The following SASH1 variants were observed in gnomAD, a reference collection of about 807,000 sequenced individuals.
SASH1 encodes SAM and SH3 domain containing 1.
SASH1 carries 44 observed loss-of-function variants against 125.2 expected under a neutral mutation model. That is an observed-to-expected ratio of 0.35 (90% CI 0.28 to 0.45). The LOEUF (loss-of-function observed/expected upper bound fraction) is 0.45, where lower values mean the gene tolerates loss of function less well. SASH1 is among the 20% of genes least tolerant of loss of function. The pLI, the probability that SASH1 is intolerant of heterozygous loss-of-function variation, is 1.00. For missense variants in SASH1, 1,426 were observed against 1,614.5 expected, an observed-to-expected ratio of 0.88 and a Z score of 2.00; for synonymous variants, 639 against 649.1, an observed-to-expected ratio of 0.98 and a Z score of 0.24.
intron 1 of SASH1, among the ~76,000 whole-genome samples, chr6:148,310,528 C>T (rs1780299461): frequency 6.7e-6 from 1 of 150,304 alleles, no homozygotes; most frequent in Non-Finnish European, 1.5e-5. Flanking sequence ...TAAAAGAAAA[C>T]ATGGATAAAT....
chr6:148,353,734 C>A lies in SASH1; in HGVS notation c.156+10511C>A, dbSNP rs368790206. On this transcript the variant is annotated intron_variant, in intron 1 of 19. Coordinates refer to ENST00000367467, the MANE Select transcript of SASH1 (RefSeq NM_015278.5). ...ACAGGCGTGAGCCACCATACCTGAC[C>A]AATTGATCTTAACTATTGATTTGAT... Among the ~76,000 whole-genome samples the A allele has an allele frequency of 5.3e-5, 8 of 152,274 alleles. No individual in the cohort carries two copies. The East Asian group carries it at 1.4e-3, about 26-fold the overall frequency.
chr6:148,517,017 C>CTT (rs1780480061), intron 9 of SASH1, among the ~76,000 whole-genome samples: 1 of 152,218 alleles, frequency 6.6e-6, no homozygotes, highest in South Asian at 2.1e-4. Context: ...ATTTCTGTGT[C>CTT]TTTGCCACAG....
the SASH1 span, among the ~76,000 whole-genome samples, chr6:148,265,706 C>G: frequency 2.6e-5 from 4 of 152,210 alleles, no homozygotes; most frequent in Non-Finnish European, 4.4e-5. Flanking sequence ...CAAGACCCCA[C>G]AGCTAAAAAA....
At chr6:148,466,460 C>G (rs12527475) in intron 4 of SASH1, among the ~76,000 whole-genome samples, 65,155 of 152,042 alleles carry the variant, frequency 0.43, 14,701 homozygotes, top group African/African-American at 0.54. Context: ...GGCTGCTCTG[C>G]GTGAAAAAGC....
At chr6:148,472,445 TAAA>T (rs35761383) in intron 6 of SASH1, among the ~76,000 whole-genome samples, 1 of 144,142 alleles carries the variant, frequency 6.9e-6, no homozygotes, top group Non-Finnish European at 1.5e-5. Context: ...CCTTGGATTC[TAAA>T]AAAAAAAAAA....
chr6:148,441,337 G>A (rs959835566), intron 4 of SASH1, among the ~76,000 whole-genome samples: 7 of 152,202 alleles, frequency 4.6e-5, no homozygotes, highest in East Asian at 1.9e-4. Context: ...TGGGAGGAGG[G>A]CTGCTTTGCC....
At chr6:148,414,957 A>T (rs889619830) in intron 2 of SASH1, among the ~76,000 whole-genome samples, 1 of 152,198 alleles carries the variant, frequency 6.6e-6, no homozygotes, top group Non-Finnish European at 1.5e-5. Context: ...TGGAGCTTAC[A>T]TTCTACTGAG....
At chr6:148,542,232 T>C (rs1474734712) in intron 17 of SASH1, among the ~76,000 whole-genome samples, 21 of 152,314 alleles carry the variant, frequency 1.4e-4, no homozygotes. Context: ...ATGGAACTTA[T>C]ATATATAGTT....
the SASH1 span, among the ~76,000 whole-genome samples, chr6:148,244,959 T>A: frequency 0.057 from 6,739 of 119,112 alleles, 608 homozygotes; most frequent in African/African-American, 0.19. Context: ...TGTGTGTGTG[T>A]GAGAGAGAGA....
chr6:148,550,412 A>G lies in SASH1; in HGVS notation c.*1854A>G, dbSNP rs1465295061. On this transcript the variant is annotated 3_prime_UTR_variant, in exon 20 of 20. Coordinates refer to ENST00000367467, the MANE Select transcript of SASH1 (RefSeq NM_015278.5). The stretch of plus-strand genomic sequence containing the variant: ...ATAAATTAATTAGAAAGCCATCTTT[A>G]GCATATTGCTTATGTCTGGATCCAT... The G allele has an allele frequency of 6.6e-6, 1 of 152,260 alleles. No individual in the cohort carries two copies. The highest frequency in any genetic ancestry group is 6.5e-5 in the Admixed American group (1 of 15,288). 9.4% of individuals were successfully genotyped at this position (152,260 alleles called of 1,614,324 possible). A position where few individuals can be genotyped will look rare whatever the true frequency, so the allele number is the denominator to read the frequency against.
At chr6:148,359,278 C>A (rs1478206979) in intron 1 of SASH1, among the ~76,000 whole-genome samples, 1 of 151,738 alleles carries the variant, frequency 6.6e-6, no homozygotes. Context: ...CCTGCCTCGG[C>A]CTCCTGAGTA....
At chr6:148,398,112 T>A (rs1784030964) in intron 2 of SASH1, among the ~76,000 whole-genome samples, 1 of 151,380 alleles carries the variant, frequency 6.6e-6, no homozygotes, top group South Asian at 2.1e-4. Context: ...GAGGGAGGGG[T>A]AAATGTGGCT....
chr6:148,391,903 C>G (rs1350386656), intron 2 of SASH1, among the ~76,000 whole-genome samples: 1 of 152,198 alleles, frequency 6.6e-6, no homozygotes, highest in Non-Finnish European at 1.5e-5. Flanking sequence ...GTCTCCTCAT[C>G]CAGACCTGTT....
chr6:148,361,024 G>A (rs1246121794), intron 1 of SASH1, among the ~76,000 whole-genome samples: 1 of 152,164 alleles, frequency 6.6e-6, no homozygotes, highest in Non-Finnish European at 1.5e-5. Flanking sequence ...TGCACGGGGG[G>A]AAGATGAAGT....
chr6:148,433,725 T>C (rs1583152304), intron 2 of SASH1, among the ~76,000 whole-genome samples: 1 of 152,122 alleles, frequency 6.6e-6, no homozygotes, highest in African/African-American at 2.4e-5. Flanking sequence ...CTTTTTAGCT[T>C]AATTGTTGGA....
intron 1 of SASH1, among the ~76,000 whole-genome samples, chr6:148,363,378 A>G (rs9498018): frequency 0.35 from 53,303 of 151,408 alleles, 9,533 homozygotes; most frequent in Admixed American, 0.4. Context: ...CTGGGCTCCA[A>G]TGATGCGCCT....
the SASH1 span, among the ~76,000 whole-genome samples, chr6:148,243,241 G>A: frequency 2.6e-5 from 4 of 152,112 alleles, no homozygotes; most frequent in East Asian, 3.9e-4. Flanking sequence ...ACCTGAGGTC[G>A]GGAGTTCAAG....
chr6:148,501,629 C>T (rs544976349), intron 8 of SASH1, among the ~76,000 whole-genome samples: 1 of 152,296 alleles, frequency 6.6e-6, no homozygotes, highest in South Asian at 2.1e-4. Flanking sequence ...TGAAACAATA[C>T]GTTTCTCTGA....
intron 7 of SASH1, among the ~76,000 whole-genome samples, chr6:148,480,948 A>G (rs762449008): frequency 6.6e-5 from 10 of 151,546 alleles, no homozygotes; most frequent in Non-Finnish European, 1.5e-4. Flanking sequence ...TGGCATTAAC[A>G]GACATTTTCT....
Sources: gnomAD v4.1 joint callset for allele counts (sites outside exome capture counted in the v4.1 genomes callset) on GRCh38, gnomAD v4.1.1 for gene constraint, MANE v1.5 for transcripts, NCBI Gene and HGNC (gene_info 2026-07-23, HGNC 2026-07-21) for gene names.